TNRC6A: variants seen among roughly 807,000 people sequenced by gnomAD.
TNRC6A encodes the protein trinucleotide repeat containing adaptor 6A.
Under a neutral mutation model 221.2 loss-of-function variants are expected in TNRC6A, and 44 were observed. The ratio of observed to expected loss-of-function variants is 0.20; its 90% CI spans 0.16 to 0.26. The LOEUF is 0.26. Ranked by LOEUF, TNRC6A falls within the 10% of genes least tolerant of loss-of-function variation. The probability of loss-of-function intolerance (pLI) is 1.00; values close to 1 mark genes in which losing one functional copy is unlikely to be tolerated. For missense variants in TNRC6A, 2,199 were observed against 2,404.4 expected (o/e 0.91, Z 1.79); for synonymous variants, 847 against 838.5 (o/e 1.01, Z -0.18).
At chr16:24,666,816 T>TA (rs145735189) in intron 2 of TNRC6A, among the ~76,000 whole-genome samples, 1,653 of 151,152 alleles carry the variant, frequency 0.011, 31 homozygotes, top group African/African-American at 0.038. Flanking sequence ...CTTAATTGCT[T>TA]AAAAAAACAC....
rs751061741 is a variant in TNRC6A at position 24,777,461 on chromosome 16, T to G, written c.589+103T>G. 2.6e-6 allele frequency: 3 copies of G among 1,146,424 alleles called. No homozygotes were observed. In the South Asian group the frequency reaches 4.5e-5, roughly 17 times the overall value. 71.0% of individuals were successfully genotyped at this position (1,146,424 alleles called of 1,614,324 possible). A position where few individuals can be genotyped will look rare whatever the true frequency, so the allele number is the denominator to read the frequency against. On this transcript the variant is annotated intron_variant, in intron 5 of 24. Coordinates refer to ENST00000395799, the MANE Select transcript of TNRC6A (RefSeq NM_014494.4). ...TTGGTGATGTATTTGTATTCATCAG[T>G]ATGTGGGCTTTAATGTAAGAGTTCT... is the stretch of plus-strand genomic sequence containing the variant.
At chr16:24,665,720 A>G (rs532765152) in intron 2 of TNRC6A, among the ~76,000 whole-genome samples, 1 of 152,304 alleles carries the variant, frequency 6.6e-6, no homozygotes, top group East Asian at 1.9e-4. Flanking sequence ...ACAATAAAAA[A>G]TGTCTCCAGA....
chr16:24,660,445 CAT>C (rs56962784), intron 2 of TNRC6A, among the ~76,000 whole-genome samples: 5,598 of 151,290 alleles, frequency 0.037, 230 homozygotes, highest in East Asian at 0.13. Context: ...TTCCATCATT[CAT>C]ATATATATAT....
At chr16:24,625,844 G>A (rs920078262) in intron 1 of TNRC6A, among the ~76,000 whole-genome samples, 2 of 151,854 alleles carry the variant, frequency 1.3e-5, no homozygotes, top group African/African-American at 2.4e-5. Context: ...CCTAGGAGGC[G>A]GAAGTTGCAG....
At chr16:24,677,164 C>CTTTTTTT (rs57906267) in intron 2 of TNRC6A, among the ~76,000 whole-genome samples, 2 of 138,890 alleles carry the variant, frequency 1.4e-5, no homozygotes, top group Non-Finnish European at 3.1e-5. Flanking sequence ...CTTTTTTTTT[C>CTTTTTTT]TTTTTTTTTT....
rs756356278 is a variant in TNRC6A at position 24,820,230 on chromosome 16, T to G, written c.5172T>G (p.Pro1724=). The change falls in exon 22 of 25, where the codon CCT becomes CCG. Residue 1724 remains proline (P), a synonymous_variant. Transcript: ENST00000395799. ...AHELWKVPLP[P]KNITAPSRPP... ...AGCTGTGGAAGGTCCCTTTGCCACC[T>G]AAAAACATCACTGCTCCGTCCCGCC... The G allele has an allele frequency of 6.2e-7, 1 of 1,614,026 alleles. No homozygotes were observed. The highest frequency in any genetic ancestry group is 8.5e-7 in the Non-Finnish European group (1 of 1,180,042).
chr16:24,645,754 T>G (rs1009125137), intron 2 of TNRC6A, among the ~76,000 whole-genome samples: 1 of 142,630 alleles, frequency 7.0e-6, no homozygotes, highest in Admixed American at 7.6e-5. Flanking sequence ...CCCAGCACTT[T>G]GGGAGGCCGA....
intron 18 of TNRC6A, among the ~76,000 whole-genome samples, chr16:24,810,578 A>G (rs1026901720): frequency 5.9e-5 from 9 of 152,228 alleles, no homozygotes; most frequent in Non-Finnish European, 1.5e-5. Flanking sequence ...TGAGAAGAGT[A>G]AGTTTACCAC....
chr16:24,710,288 CT>C (rs2056180422), intron 2 of TNRC6A, among the ~76,000 whole-genome samples: 1 of 151,138 alleles, frequency 6.6e-6, no homozygotes, highest in Non-Finnish European at 1.5e-5. Flanking sequence ...GAAAAAATAA[CT>C]TTTTTCCTCA....
At chr16:24,763,266 A>G (rs759389591) in intron 4 of TNRC6A, among the ~76,000 whole-genome samples, 2 of 152,172 alleles carry the variant, frequency 1.3e-5, no homozygotes, top group Non-Finnish European at 2.9e-5. Context: ...TGTAATGACA[A>G]TTTTGCTAAA....
chr16:24,697,097 T>G (rs1243045553), intron 2 of TNRC6A, among the ~76,000 whole-genome samples: 1 of 152,232 alleles, frequency 6.6e-6, no homozygotes, highest in Non-Finnish European at 1.5e-5. Flanking sequence ...TTCACAACAC[T>G]GAGGCCTGAA....
intron 2 of TNRC6A, among the ~76,000 whole-genome samples, chr16:24,675,700 CTCTATATATATATATATA>C (rs1404534189): frequency 2.4e-4 from 13 of 54,878 alleles, no homozygotes; most frequent in South Asian, 7.4e-4. Flanking sequence ...CTCTCTCTCT[CTCTATATATATATATATA>C]TATATATATA....
At chr16:24,657,681 C>T (rs1328366025) in intron 2 of TNRC6A, among the ~76,000 whole-genome samples, 1 of 143,770 alleles carries the variant, frequency 7.0e-6, no homozygotes, top group African/African-American at 2.6e-5. Context: ...TGCACTCCAG[C>T]TTGGGCGACA....
intron 21 of TNRC6A, 89 bp from the exon 22 acceptor site, chr16:24,820,050 T>C: frequency 3.2e-6 from 4 of 1,262,136 alleles, no homozygotes; most frequent in Non-Finnish European, 4.5e-6. Flanking sequence ...TTAGATTTGC[T>C]TTTTGTGGGA....
At chr16:24,750,908 A>G in intron 3 of TNRC6A, 95 bp downstream of exon 3, 1 of 1,161,830 alleles carries the variant, frequency 8.6e-7, no homozygotes, top group Admixed American at 3.0e-5. Flanking sequence ...ATTTGATTTA[A>G]TGTTTTAGCT....
At position 24,651,538 on chromosome 16, in the gene TNRC6A, C is replaced by CAA. The variant is rs768568973; in HGVS notation, n.402+10554_402+10555dup. ...GGGCAACAAGAGGAAAACTCCATCT[C>CAA]AAAAAAAAAAAAAAAAAAAAAAAAA... On this transcript the variant is annotated intron_variant and non_coding_transcript_variant, in intron 2 of 2. Transcript: ENST00000566108. 5.7e-4 allele frequency among the ~76,000 whole-genome samples: 28 copies of CAA among 48,762 alleles called. 2 individuals are homozygous for CAA. The highest frequency in any genetic ancestry group is 9.6e-4 in the African/African-American group (15 of 15,658). 32.0% of individuals were successfully genotyped at this position (48,762 alleles called of 152,430 possible). A position where few individuals can be genotyped will look rare whatever the true frequency, so the allele number is the denominator to read the frequency against.
At chr16:24,806,483 G>A (rs1256032377) in intron 16 of TNRC6A, 91 bp from the exon 17 acceptor site, 21 of 1,504,766 alleles carry the variant, frequency 1.4e-5, no homozygotes, top group East Asian at 1.4e-4. Flanking sequence ...CTGCTGAGAC[G>A]AAAGTGAATT....
At chr16:24,786,909 C>T (rs1037419785) in intron 5 of TNRC6A, among the ~76,000 whole-genome samples, 6 of 152,174 alleles carry the variant, frequency 3.9e-5, no homozygotes, top group Admixed American at 2.6e-4. Context: ...TCTCAAACTC[C>T]AGACCTCGTG....
At position 24,791,578 on chromosome 16, in the gene TNRC6A, C is replaced by G; in HGVS notation, c.2936C>G (p.Ala979Gly). 1.3e-6 allele frequency: 2 copies of G among 1,575,826 alleles called. No homozygotes were observed. The highest frequency in any genetic ancestry group is 1.2e-5 in the South Asian group (1 of 82,900). ...CTGGGGGGACCTATACCAGCCCCAGCAAAAGAAGAAGAACCCACAGGCTGG... is the reference window on the plus strand; with the variant it reads ...CTGGGGGGACCTATACCAGCCCCAGGAAAAGAAGAAGAACCCACAGGCTGG... The part of the protein sequence containing the change: ...GWLGGPIPAP[A>G]KEEEPTGWEE... Residue 979 changes from alanine to glycine, a missense_variant, in exon 6 of 25, where the codon GCA becomes GGA. This residue lies in a region of TNRC6A where 1,405 missense variants were observed against 1,400.2 expected (regional missense o/e 1.00). Coordinates refer to ENST00000395799, the MANE Select transcript of TNRC6A (RefSeq NM_014494.4).
Sources: allele counts gnomAD v4.1 joint callset (sites outside exome capture counted in the v4.1 genomes callset), GRCh38; gene constraint gnomAD v4.1.1; regional missense constraint gnomAD v4.1.1; transcripts MANE v1.5; gene names NCBI Gene and HGNC (gene_info 2026-07-23, HGNC 2026-07-21).